The following CFD variants were observed in gnomAD, a reference collection of about 807,000 sequenced individuals.
The protein encoded by CFD is complement factor D.
In CFD, 24 loss-of-function variants were observed where a neutral mutation model predicts 21.1. The observed-to-expected ratio is 1.14, with a 90% confidence interval of 0.82 to 1.60. The LOEUF is 1.60. Among genes scored for constraint, CFD ranks in the 40% most tolerant of loss-of-function variants. The pLI, the probability that CFD is intolerant of heterozygous loss-of-function variation, is 0.00. For missense variants in CFD, 535 were observed against 383.3 expected, an observed-to-expected ratio of 1.40 and a Z score of -3.31; for synonymous variants, 242 against 175.9, an observed-to-expected ratio of 1.38 and a Z score of -2.97.
chr19:859,746 T>C lies in CFD; in HGVS notation c.55+2T>C. The stretch of plus-strand genomic sequence containing the variant: ...TCCTCCTAGGAGCGGCCGCCTGCGG[T>C]GAGGAGGCCTGGGCCTGGGGTGAGG... On this transcript the variant is annotated splice_donor_variant, in intron 1 of 4. Transcript: ENST00000327726. LOFTEE classifies it high-confidence loss of function. 1 of 1,566,862 alleles carries C rather than the reference T, an allele frequency of 6.4e-7. No homozygotes were observed. The highest frequency in any genetic ancestry group is 1.2e-5 in the South Asian group (1 of 85,450).
In CFD at chr19:863,406, C is replaced by T. The variant is rs553102142; in HGVS notation, c.*168C>T. The T allele has an allele frequency of 1.4e-5, 10 of 734,338 alleles. No homozygotes were observed. The highest frequency in any genetic ancestry group is 5.2e-5 in the African/African-American group (3 of 57,526). 45.5% of individuals were successfully genotyped at this position (734,338 alleles called of 1,614,324 possible). ...AGGAGTTCGAGATCAGCATGGGCCA[C>T]GTAGCGCGACTCCATCTCTACAAAT... On this transcript the variant is annotated 3_prime_UTR_variant, in exon 5 of 5. Transcript: ENST00000327726.
Position 860,680 on chromosome 19 carries a change from T to C in CFD, c.119T>C (p.Met40Thr). 6.5e-7 allele frequency: 1 copy of C among 1,538,556 alleles called. No individual in the cohort carries two copies. Among genetic ancestry groups the C allele is most frequent in the Non-Finnish European group, 8.7e-7 (1 of 1,152,390 alleles). Reference sequence around the variant, plus strand: ...GCCGAGGCGCACGCGCGGCCCTACATGGCGTCGGTGCAGCTGAACGGCGCG... The same window carrying C: ...GCCGAGGCGCACGCGCGGCCCTACACGGCGTCGGTGCAGCTGAACGGCGCG... The part of the protein sequence containing the change: ...REAEAHARPY[M>T]ASVQLNGAHL... Residue 40 changes from methionine (M) to threonine (T), a missense_variant, in exon 2 of 5, where the codon ATG becomes ACG. Transcript: ENST00000327726.
intron 2 of CFD, 21 bp from the exon 3 acceptor site, chr19:860,840 C>G: frequency 6.4e-7 from 1 of 1,559,314 alleles, no homozygotes; most frequent in Non-Finnish European, 8.6e-7. Context: ...GCACCGACCG[C>G]GGACTCCGTC....
chr19:860,735 G>A lies in CFD; in HGVS notation c.174G>A (p.Glu58=). The A allele has an allele frequency of 1.3e-6, 2 of 1,567,746 alleles. No individual in the cohort carries two copies. The highest frequency in any genetic ancestry group is 1.7e-6 in the Non-Finnish European group (2 of 1,166,306). The part of the protein sequence containing the change: ...AHLCGGVLVA[E]QWVLSAAHCL... Reference sequence around the variant, plus strand: ...TGTGCGGCGGCGTCCTGGTGGCGGAGCAGTGGGTGCTGAGCGCGGCGCACT... The same window carrying A: ...TGTGCGGCGGCGTCCTGGTGGCGGAACAGTGGGTGCTGAGCGCGGCGCACT... Residue 58 remains glutamate, a synonymous_variant, in exon 2 of 5, where the codon GAG becomes GAA. Coordinates refer to ENST00000327726, the MANE Select transcript of CFD (RefSeq NM_001928.4).
chr19:860,337 A>G (rs2035766966), intron 1 of CFD, among the ~76,000 whole-genome samples: 1 of 151,234 alleles, frequency 6.6e-6, no homozygotes, highest in Non-Finnish European at 1.5e-5. Flanking sequence ...ATTATAGGCC[A>G]CGCCGACTAA....
At chr19:863,039 T>C (rs2035830176) in intron 4 of CFD, 53 bp from the exon 5 acceptor site, 7 of 1,470,852 alleles carry the variant, frequency 4.8e-6, no homozygotes, top group Non-Finnish European at 6.3e-6. Context: ...GTCTAACACG[T>C]GAGGCCGGGG....
rs530405469 is a variant in CFD at position 862,135 on chromosome 19, AG to A, written c.615+184del. Among the ~76,000 whole-genome samples the A allele has an allele frequency of 5.3e-3, 15 of 2,836 alleles. No individual in the cohort carries two copies. The East Asian group carries it at 0.065, about 12-fold the overall frequency. The allele number at this position is 2,836 out of a possible 152,430, so 1.9% of individuals were successfully genotyped here. A position where few individuals can be genotyped will look rare whatever the true frequency, so the allele number is the denominator to read the frequency against. ...GTGGCCCGTGGGCGGGGCCTGTATG[AG>A]GGGGCGGGGCATGTGGGTAGGGTGG... On this transcript the variant is annotated intron_variant, in intron 4 of 4. Coordinates refer to ENST00000327726, the MANE Select transcript of CFD (RefSeq NM_001928.4).
chr19:862,686 G>A (rs1176669683), intron 4 of CFD, among the ~76,000 whole-genome samples: 4 of 152,034 alleles, frequency 2.6e-5, no homozygotes, highest in Admixed American at 1.3e-4. Flanking sequence ...TTAAGGGAGG[G>A]GCGTGGCCTG....
At position 861,883 on chromosome 19, in the gene CFD, G is replaced by T. The variant is rs954901783; in HGVS notation, c.542G>T (p.Arg181Leu). The change falls in exon 4 of 5, where the codon CGG becomes CTG. Residue 181 changes from arginine (R) to leucine (L), a missense_variant. By Grantham distance (102) the Arg-to-Leu change is moderately radical. Transcript: ENST00000327726. ...LPVLDRATCNRRTHHDGAITE... is the reference protein window; with the variant it reads ...LPVLDRATCNLRTHHDGAITE... ...GTGCTGGACCGCGCCACCTGCAACC[G>T]GCGCACGCACCACGACGGCGCCATC... 2.0e-5 allele frequency: 31 copies of T among 1,589,336 alleles called. No individual in the cohort carries two copies. The highest frequency in any genetic ancestry group is 2.6e-5 in the Non-Finnish European group (30 of 1,174,404).
intron 3 of CFD, 76 bp from the exon 4 acceptor site, chr19:861,623 T>G: frequency 3.4e-6 from 5 of 1,489,972 alleles, no homozygotes; most frequent in Non-Finnish European, 4.5e-6. Flanking sequence ...CCCCGTCCCG[T>G]CTCCCCGAGC....
At chr19:861,400 T>A in intron 3 of CFD, among the ~76,000 whole-genome samples, 1 of 50,526 alleles carries the variant, frequency 2.0e-5, no homozygotes, top group Non-Finnish European at 3.9e-5. Flanking sequence ...CCCCGCACCC[T>A]CACCCCGGGT....
chr19:860,888 G>T lies in CFD; in HGVS notation c.240G>T (p.Leu80=). 1 of 1,585,300 alleles carries T rather than the reference G, an allele frequency of 6.3e-7. No individual in the cohort carries two copies. Among genetic ancestry groups the T allele is most frequent in the African/African-American group, 1.3e-5 (1 of 74,434 alleles). Residue 80 remains leucine, a synonymous_variant, in exon 3 of 5, where the codon CTG becomes CTT. Coordinates refer to ENST00000327726, the MANE Select transcript of CFD (RefSeq NM_001928.4). The part of the protein sequence containing the change: ...DAADGKVQVL[L]GAHSLSQPEP... The stretch of plus-strand genomic sequence containing the variant: ...CCGACGGGAAGGTGCAGGTTCTCCT[G>T]GGCGCGCACTCCCTGTCGCAGCCGG...
rs1568309118 is a variant in CFD at position 860,583 on chromosome 19, AC to A, written c.56-30del. The stretch of plus-strand genomic sequence containing the variant: ...GCAGCCTCGCCCGGGGGAGGAGTCC[AC>A]CCCGCGGCCCTCACGCGCCCGCCCA... On this transcript the variant is annotated intron_variant, in intron 1 of 4. Coordinates refer to ENST00000327726, the MANE Select transcript of CFD (RefSeq NM_001928.4). 3 of 1,395,426 alleles carry A rather than the reference AC, an allele frequency of 2.1e-6. No individual in the cohort carries two copies. The African/African-American group carries it at 4.6e-5, about 21-fold the overall frequency. 86.4% of individuals were successfully genotyped at this position (1,395,426 alleles called of 1,614,324 possible).
rs568872885 is a variant in CFD at position 861,042 on chromosome 19, G to A, written c.357+37G>A. On this transcript the variant is annotated intron_variant, in intron 3 of 4. Coordinates refer to ENST00000327726, the MANE Select transcript of CFD (RefSeq NM_001928.4). Reference sequence around the variant, plus strand: ...GTAGCGCAGTCCCTCCTGCGGCGCTGGGATCCCCGGCCCACCCTCACTCCA... The same window carrying A: ...GTAGCGCAGTCCCTCCTGCGGCGCTAGGATCCCCGGCCCACCCTCACTCCA... 1.8e-5 allele frequency: 29 copies of A among 1,586,152 alleles called. 1 individual carries two copies. In the South Asian group the frequency reaches 3.0e-4, roughly 17 times the overall value.
intron 3 of CFD, 115 bp downstream of exon 3, chr19:861,120 G>A: frequency 1.1e-6 from 1 of 890,278 alleles, no homozygotes; most frequent in Admixed American, 2.0e-5. Flanking sequence ...GCTGCATGGG[G>A]ACCCCGCCCC....
At position 861,765 on chromosome 19, in the gene CFD, G is replaced by A. The variant is rs772216071; in HGVS notation, c.424G>A (p.Val142Met). The A allele has an allele frequency of 6.2e-7, 1 of 1,605,960 alleles. No individual in the cohort carries two copies. The highest frequency in any genetic ancestry group is 1.1e-5 in the South Asian group (1 of 90,686). ...GCCCTGGCAGCGCGTGGACCGCGAC[G>A]TGGCACCGGGAACTCTCTGCGACGT... is the stretch of plus-strand genomic sequence containing the variant. ...PLPWQRVDRD[V>M]APGTLCDVAG... The change falls in exon 4 of 5, where the codon GTG becomes ATG. Residue 142 changes from valine (V) to methionine (M), a missense_variant. Coordinates refer to ENST00000327726, the MANE Select transcript of CFD (RefSeq NM_001928.4).
In CFD at chr19:863,396, G is replaced by C; in HGVS notation, c.*158G>C. 1 of 833,182 alleles carries C rather than the reference G, an allele frequency of 1.2e-6. No individual in the cohort carries two copies. The highest frequency in any genetic ancestry group is 2.7e-5 in the East Asian group (1 of 37,076). The allele number at this position is 833,182 out of a possible 1,614,324, so 51.6% of individuals were successfully genotyped here. A position where few individuals can be genotyped will look rare whatever the true frequency, so the allele number is the denominator to read the frequency against. The stretch of plus-strand genomic sequence containing the variant: ...ATTGGATCTCAGGAGTTCGAGATCA[G>C]CATGGGCCACGTAGCGCGACTCCAT... On this transcript the variant is annotated 3_prime_UTR_variant, in exon 5 of 5. Coordinates refer to ENST00000327726, the MANE Select transcript of CFD (RefSeq NM_001928.4).
chr19:859,813 G>T, intron 1 of CFD, 69 bp downstream of exon 1: 1 of 1,278,628 alleles, frequency 7.8e-7, no homozygotes, highest in East Asian at 2.5e-5. Flanking sequence ...TCCGTCACAC[G>T]GACGGTCCTC....
chr19:862,331 G>A (rs1405718915), intron 4 of CFD, among the ~76,000 whole-genome samples: 1 of 142,676 alleles, frequency 7.0e-6, no homozygotes, highest in East Asian at 2.1e-4. Context: ...CAGTAATAGC[G>A]GGACTGCAAG....
Sources: allele counts gnomAD v4.1 joint callset (sites outside exome capture counted in the v4.1 genomes callset), GRCh38; gene constraint gnomAD v4.1.1; transcripts MANE v1.5; gene names NCBI Gene and HGNC (gene_info 2026-07-23, HGNC 2026-07-21).